The following SCFD1 variants were observed in gnomAD, a reference collection of about 807,000 sequenced individuals.
SCFD1 encodes the protein sec1 family domain containing 1.
SCFD1 carries 37 observed loss-of-function variants against 103.2 expected under a neutral mutation model. The ratio of observed to expected loss-of-function variants is 0.36; its 90% CI spans 0.28 to 0.47. The LOEUF is 0.47. Among genes scored for constraint, SCFD1 ranks in the 20% least tolerant of loss-of-function variants. The pLI, the probability that SCFD1 is intolerant of heterozygous loss-of-function variation, is 1.00. For missense variants in SCFD1, 639 were observed against 761.2 expected (o/e 0.84, Z 1.89); for synonymous variants, 264 against 245.0 (o/e 1.08, Z -0.73).
intron 18 of SCFD1, 146 bp downstream of exon 18, chr14:30,706,031 G>T (rs201215280): frequency 2.0e-4 from 102 of 512,666 alleles, no homozygotes; most frequent in Middle Eastern, 1.3e-3. Context: ...AGTTCTCCTG[G>T]TTTTTTTTTT....
At chr14:30,724,381 T>A (rs1225615601) in intron 23 of SCFD1, among the ~76,000 whole-genome samples, 2 of 150,116 alleles carry the variant, frequency 1.3e-5, no homozygotes, top group African/African-American at 4.9e-5. Context: ...GCCTCTCAAG[T>A]AGCTGAGATT....
At chr14:30,644,733 T>C (rs1885639988) in intron 7 of SCFD1, among the ~76,000 whole-genome samples, 2 of 152,028 alleles carry the variant, frequency 1.3e-5, no homozygotes, top group African/African-American at 4.8e-5. Context: ...AAGTTCCTTA[T>C]AAATTCTGTT....
intron 9 of SCFD1, among the ~76,000 whole-genome samples, chr14:30,652,718 G>C (rs28715012): frequency 0.066 from 10,094 of 152,022 alleles, 486 homozygotes; most frequent in African/African-American, 0.13. Context: ...TTTCCTTAAA[G>C]TTTCCTGGCA....
chr14:30,681,425 T>C (rs966327702), intron 14 of SCFD1, among the ~76,000 whole-genome samples: 1 of 152,030 alleles, frequency 6.6e-6, no homozygotes, highest in Non-Finnish European at 1.5e-5. Context: ...ACATTTTAAA[T>C]TTTTTATATA....
chr14:30,722,662 A>C, intron 23 of SCFD1, 103 bp downstream of exon 23: 1 of 593,798 alleles, frequency 1.7e-6, no homozygotes, highest in Non-Finnish European at 2.8e-6. Context: ...CTTCTTTTCT[A>C]AAAGGTAGTT....
intron 14 of SCFD1, chr14:30,676,746 G>C (rs868672816): frequency 1.8e-4 from 27 of 152,196 alleles, no homozygotes; most frequent in Middle Eastern, 6.8e-3. Context: ...ACTCATTAGA[G>C]GTTAATGACA....
chr14:30,643,383 C>G lies in SCFD1; in HGVS notation c.591C>G (p.Leu197=), dbSNP rs746647897. The G allele has an allele frequency of 3.1e-6, 5 of 1,613,014 alleles. No homozygotes were observed. Among genetic ancestry groups the G allele is most frequent in the Non-Finnish European group, 1.7e-6 (2 of 1,179,122 alleles). ...TTATGGACACTATAGTTGACAGCCT[C>G]TTCTGCTTTTTTGTTACTCTGGGTA... ...ETVMDTIVDS[L]FCFFVTLGAV... Residue 197 remains leucine (L), a synonymous_variant, in exon 7 of 25, where the codon CTC becomes CTG. Transcript: ENST00000458591.
At chr14:30,721,971 C>A in intron 22 of SCFD1, 54 bp downstream of exon 22, 3 of 1,321,148 alleles carry the variant, frequency 2.3e-6, no homozygotes, top group South Asian at 1.2e-5. Context: ...GAAAGGTGAC[C>A]AATCTTGAAG....
At chr14:30,653,982 TA>T (rs140287889) in intron 10 of SCFD1, 2,635 of 151,410 alleles carry the variant, frequency 0.017, 96 homozygotes, top group African/African-American at 0.059. Flanking sequence ...CATTTTACGT[TA>T]AAAAAAAAAT....
intron 20 of SCFD1, 81 bp downstream of exon 20, chr14:30,716,058 A>C (rs1892260117): frequency 1.2e-6 from 1 of 816,548 alleles, no homozygotes; most frequent in East Asian, 2.6e-5. Flanking sequence ...AATCAGATTG[A>C]GTTCCTTGTG....
At chr14:30,727,820 T>C (rs10142331) in intron 23 of SCFD1, among the ~76,000 whole-genome samples, 75,251 of 152,014 alleles carry the variant, frequency 0.5, 21,577 homozygotes, top group African/African-American at 0.79. Context: ...TTTTCCCCTT[T>C]GTCCATTCCC....
At chr14:30,694,074 A>G (rs944844039) in intron 14 of SCFD1, among the ~76,000 whole-genome samples, 2 of 152,192 alleles carry the variant, frequency 1.3e-5, no homozygotes, top group African/African-American at 4.8e-5. Context: ...TAAAAAAACA[A>G]AAAGGACAAT....
At chr14:30,654,402 A>G (rs1886699733) in intron 10 of SCFD1, among the ~76,000 whole-genome samples, 1 of 152,232 alleles carries the variant, frequency 6.6e-6, no homozygotes, top group Admixed American at 6.5e-5. Flanking sequence ...AGCTGAGTGT[A>G]GTGGCTCATG....
chr14:30,712,801 T>G (rs898883934), intron 19 of SCFD1, among the ~76,000 whole-genome samples: 1 of 152,102 alleles, frequency 6.6e-6, no homozygotes. Flanking sequence ...AGTTGCTAAC[T>G]ATACAATAAT....
intron 18 of SCFD1, chr14:30,707,735 G>A: frequency 2.2e-6 from 1 of 458,926 alleles, no homozygotes; most frequent in East Asian, 5.0e-5. Flanking sequence ...TTTGAGGGCA[G>A]CTCTTTATTT....
chr14:30,652,459 T>C (rs1209506538), intron 9 of SCFD1: 4 of 152,158 alleles, frequency 2.6e-5, no homozygotes, highest in African/African-American at 9.7e-5. Flanking sequence ...ATTATAGTGG[T>C]ATAGCGTTTT....
chr14:30,627,762 A>G (rs892767987), intron 1 of SCFD1, among the ~76,000 whole-genome samples: 1 of 150,710 alleles, frequency 6.6e-6, no homozygotes, highest in Admixed American at 6.6e-5. Flanking sequence ...AAAAAAAAAA[A>G]AAAAAGAAAG....
At chr14:30,661,648 C>A (rs1262628460) in intron 10 of SCFD1, among the ~76,000 whole-genome samples, 2 of 152,146 alleles carry the variant, frequency 1.3e-5, no homozygotes, top group African/African-American at 4.8e-5. Context: ...GAATTACAGT[C>A]TCTAGGAGCT....
intron 14 of SCFD1, among the ~76,000 whole-genome samples, chr14:30,679,251 T>C (rs1392872532): frequency 3.9e-5 from 6 of 151,924 alleles, no homozygotes; most frequent in African/African-American, 7.2e-5. Context: ...TGCTTACTAA[T>C]GAGTTATTTG....
Sources: gnomAD v4.1 joint callset for allele counts (sites outside exome capture counted in the v4.1 genomes callset) on GRCh38, gnomAD v4.1.1 for gene constraint, MANE v1.5 for transcripts, NCBI Gene and HGNC (gene_info 2026-07-23, HGNC 2026-07-21) for gene names.